The following IL1R1 variants were observed in gnomAD, a reference collection of about 807,000 sequenced individuals.
IL1R1 encodes interleukin 1 receptor type 1.
In IL1R1, 22 loss-of-function variants were observed where a neutral mutation model predicts 50.2. The observed-to-expected ratio is 0.44, with a 90% CI of 0.31 to 0.63. IL1R1 has a LOEUF of 0.63. IL1R1 is among the 20% of genes least tolerant of loss of function. The pLI, the probability that IL1R1 is intolerant of heterozygous loss-of-function variation, is 0.07. For synonymous variants in IL1R1, 251 were observed against 236.7 expected (o/e 1.06, Z -0.55); for missense variants, 509 against 676.2 (o/e 0.75, Z 2.74).
intron 2 of IL1R1, among the ~76,000 whole-genome samples, chr2:102,155,629 A>G (rs1168811254): frequency 1.3e-5 from 2 of 152,102 alleles, no homozygotes; most frequent in East Asian, 1.9e-4. Context: ...GGGGATTGAC[A>G]TGGATCCCAA....
intron 1 of IL1R1, among the ~76,000 whole-genome samples, chr2:102,143,978 G>A (rs763177908): frequency 2.6e-5 from 4 of 152,342 alleles, no homozygotes; most frequent in Non-Finnish European, 5.9e-5. Context: ...AGTCGCTGCG[G>A]TTTGGTGCCA....
intron 1 of IL1R1, among the ~76,000 whole-genome samples, chr2:102,126,974 G>C (rs116535604): frequency 1.5e-4 from 23 of 152,280 alleles, no homozygotes; most frequent in African/African-American, 5.1e-4. Context: ...TAATGCAGAG[G>C]CCCCCTTGTC....
intron 11 of IL1R1, 129 bp downstream of exon 11, chr2:102,175,774 G>A (rs1686078894): frequency 1.3e-6 from 1 of 797,926 alleles, no homozygotes; most frequent in African/African-American, 1.7e-5. Context: ...CTCTTCAGAA[G>A]TGTATGATGA....
chr2:102,141,852 G>C (rs941832819), upstream of IL1R1: 4 of 152,194 alleles, frequency 2.6e-5, no homozygotes, highest in Non-Finnish European at 4.4e-5. Flanking sequence ...AGTGGAGGGG[G>C]AAAGCCCGAG....
At chr2:102,144,289 G>T (rs1027115839) in intron 1 of IL1R1, among the ~76,000 whole-genome samples, 1 of 152,138 alleles carries the variant, frequency 6.6e-6, no homozygotes, top group Non-Finnish European at 1.5e-5. Context: ...TCAGTCTCTG[G>T]CTAGCTGCCA....
At chr2:102,163,247 G>A (rs1281502519) in intron 3 of IL1R1, among the ~76,000 whole-genome samples, 1 of 152,084 alleles carries the variant, frequency 6.6e-6, no homozygotes, top group Non-Finnish European at 1.5e-5. Flanking sequence ...TTTGCTTGGG[G>A]TTCATTGTGA....
rs190084573 is a variant in IL1R1 at position 102,092,455 on chromosome 2, C to T, written c.-84+21922C>T. 3.9e-5 allele frequency among the ~76,000 whole-genome samples: 6 copies of T among 152,120 alleles called. No individual in the cohort carries two copies. The East Asian group carries it at 1.2e-3, about 29-fold the overall frequency. On this transcript the variant is annotated intron_variant, in intron 1 of 11. Coordinates refer to the IL1R1 transcript ENST00000409929. Reference sequence around the variant, plus strand: ...CAGAATATCCTTTATCAATTAAATCCTCCCAGGAAGCAGAAGGTCTTGAAA... The same window carrying T: ...CAGAATATCCTTTATCAATTAAATCTTCCCAGGAAGCAGAAGGTCTTGAAA...
At chr2:102,102,405 G>A (rs1012642399), upstream of IL1R1, among the ~76,000 whole-genome samples, 1 of 152,132 alleles carries the variant, frequency 6.6e-6, no homozygotes, top group African/African-American at 2.4e-5. Flanking sequence ...TTTCTCACCT[G>A]TAAAATGGGC....
At chr2:102,100,467 C>T (rs79139873), upstream of IL1R1, among the ~76,000 whole-genome samples, 971 of 152,288 alleles carry the variant, frequency 6.4e-3, 13 homozygotes, top group African/African-American at 0.022. Flanking sequence ...ATACATGTAT[C>T]CAACTCTACT....
At chr2:102,153,873 T>A (rs1432035342) in intron 1 of IL1R1, 68 bp from the exon 2 acceptor site, 2 of 152,346 alleles carry the variant, frequency 1.3e-5, no homozygotes, top group East Asian at 1.9e-4. Flanking sequence ...CCTCTTGAGA[T>A]CCTCACAGCA....
chr2:102,091,107 T>A (rs1464728749), intron 1 of IL1R1, among the ~76,000 whole-genome samples: 1 of 152,186 alleles, frequency 6.6e-6, no homozygotes, highest in Non-Finnish European at 1.5e-5. Flanking sequence ...TCCAAAAAAA[T>A]TGTGGGAGAA....
At chr2:102,122,335 T>A (rs1681450966) in intron 1 of IL1R1, among the ~76,000 whole-genome samples, 1 of 152,194 alleles carries the variant, frequency 6.6e-6, no homozygotes, top group Non-Finnish European at 1.5e-5. Context: ...CATTTCTGAG[T>A]CAGGCCTGCT....
rs535443719 is a variant in IL1R1 at position 102,089,613 on chromosome 2, C to G, written c.-84+19080C>G. On this transcript the variant is annotated intron_variant, in intron 1 of 11. Transcript: ENST00000409929. ...TCAATTTGTAAAACAAAACAAAAACCCCCACAGTATCTGTGAGGTACAATA... is the reference window on the plus strand; with the variant it reads ...TCAATTTGTAAAACAAAACAAAAACGCCCACAGTATCTGTGAGGTACAATA... Among the ~76,000 whole-genome samples, 11 of 152,200 alleles carry G rather than the reference C, an allele frequency of 7.2e-5. 1 individual carries two copies. The highest frequency in any genetic ancestry group is 6.5e-4 in the Admixed American group (10 of 15,290).
At chr2:102,072,118 G>A (rs1678749737) in intron 1 of IL1R1, among the ~76,000 whole-genome samples, 1 of 151,638 alleles carries the variant, frequency 6.6e-6, no homozygotes, top group East Asian at 1.9e-4. Context: ...AAATTAGCTG[G>A]GCATGGTGGC....
intron 1 of IL1R1, among the ~76,000 whole-genome samples, chr2:102,148,110 C>T (rs1401534155): frequency 6.6e-6 from 1 of 152,108 alleles, no homozygotes; most frequent in Non-Finnish European, 1.5e-5. Context: ...CAGAGGTGAC[C>T]ACATTGAACA....
intron 2 of IL1R1, among the ~76,000 whole-genome samples, chr2:102,154,336 G>A (rs1683968705): frequency 6.6e-6 from 1 of 152,120 alleles, no homozygotes; most frequent in African/African-American, 2.4e-5. Flanking sequence ...AGGCCTTGCT[G>A]TCCATTTTTA....
upstream of IL1R1, among the ~76,000 whole-genome samples, chr2:102,100,073 C>T (rs1475655050): frequency 6.6e-6 from 1 of 152,214 alleles, no homozygotes; most frequent in African/African-American, 2.4e-5. Flanking sequence ...TCGAGGCATT[C>T]TCCTTTCCTG....
At chr2:102,109,512 C>T (rs897031012) in intron 1 of IL1R1, among the ~76,000 whole-genome samples, 1 of 152,160 alleles carries the variant, frequency 6.6e-6, no homozygotes, top group African/African-American at 2.4e-5. Context: ...GCCTGGACAA[C>T]TGAGTGCTGA....
At chr2:102,171,951 G>T in intron 8 of IL1R1, 33 bp downstream of exon 8, 2 of 1,086,368 alleles carry the variant, frequency 1.8e-6, no homozygotes, top group East Asian at 2.7e-5. Flanking sequence ...ACATTTTGGT[G>T]TTAAATCCCA....
Sources: gnomAD v4.1 joint callset for allele counts (sites outside exome capture counted in the v4.1 genomes callset) on GRCh38, gnomAD v4.1.1 for gene constraint, MANE v1.5 for transcripts, NCBI Gene and HGNC (gene_info 2026-07-23, HGNC 2026-07-21) for gene names.